AFDN: variants seen among roughly 807,000 people sequenced by gnomAD.
The protein encoded by AFDN is afadin, adherens junction formation factor.
In AFDN, 68 loss-of-function variants were observed where a neutral mutation model predicts 216.6. The observed-to-expected ratio is 0.31, with a 90% CI of 0.26 to 0.38. The LOEUF (loss-of-function observed/expected upper bound fraction) is 0.38, where lower values mean the gene tolerates loss of function less well. Among genes scored for constraint, AFDN ranks in the 10% least tolerant of loss-of-function variants. The pLI, the probability that AFDN is intolerant of heterozygous loss-of-function variation, is 1.00. For synonymous variants in AFDN, 868 were observed against 853.7 expected, an observed-to-expected ratio of 1.02 and a Z score of -0.29; for missense variants, 2,136 against 2,342.0, an observed-to-expected ratio of 0.91 and a Z score of 1.82.
chr6:167,964,324 A>T lies in AFDN; in HGVS notation c.4969-1433A>T, dbSNP rs565865488. The T allele has an allele frequency of 2.8e-6, 3 of 1,064,380 alleles. No individual in the cohort carries two copies. The African/African-American group carries it at 4.9e-5, about 17-fold the overall frequency. 65.9% of individuals were successfully genotyped at this position (1,064,380 alleles called of 1,614,324 possible). A position where few individuals can be genotyped will look rare whatever the true frequency, so the allele number is the denominator to read the frequency against. Reference sequence around the variant, plus strand: ...CTGCTCTTGGTATAACTAAAAGAGGATATTTTGATTTCTTCCTAAAATGTT... The same window carrying T: ...CTGCTCTTGGTATAACTAAAAGAGGTTATTTTGATTTCTTCCTAAAATGTT... On this transcript the variant is annotated intron_variant, in intron 31 of 33. Transcript: ENST00000683244.
At chr6:167,937,235 A>G (rs1794123270) in intron 23 of AFDN, among the ~76,000 whole-genome samples, 1 of 152,188 alleles carries the variant, frequency 6.6e-6, no homozygotes, top group Non-Finnish European at 1.5e-5. Flanking sequence ...CATTATCTAG[A>G]TCCGTATTCT....
chr6:167,948,939 G>A (rs1392407561), intron 29 of AFDN, among the ~76,000 whole-genome samples: 1 of 152,228 alleles, frequency 6.6e-6, no homozygotes. Context: ...CTGTATGCAC[G>A]GAAGGGCCTT....
chr6:167,873,463 G>A (rs1250208606), intron 4 of AFDN, among the ~76,000 whole-genome samples: 1 of 152,180 alleles, frequency 6.6e-6, no homozygotes, highest in Non-Finnish European at 1.5e-5. Flanking sequence ...CTTATAGATT[G>A]TTCATAGTGG....
rs371875129 is a variant in AFDN at position 167,962,587 on chromosome 6, A to G, written c.4968+20A>G. On this transcript the variant is annotated intron_variant, in intron 31 of 33. Coordinates refer to ENST00000683244, the MANE Select transcript of AFDN (RefSeq NM_001386888.1). The surrounding 1 kb of genome is among the most constrained non-coding windows in gnomAD (Gnocchi z 5.2). Reference sequence around the variant, plus strand: ...GAAAAGGTTATGGTCCTTTAAGGGCAGCTAGAATTTTACCAAGTTAGCCTG... The same window carrying G: ...GAAAAGGTTATGGTCCTTTAAGGGCGGCTAGAATTTTACCAAGTTAGCCTG... The G allele has an allele frequency of 1.7e-5, 27 of 1,613,768 alleles. No homozygotes were observed. Among genetic ancestry groups the G allele is most frequent in the Non-Finnish European group, 2.0e-5 (24 of 1,179,768 alleles).
chr6:167,914,555 A>G, intron 17 of AFDN, 89 bp from the exon 18 acceptor site: 1 of 1,006,480 alleles, frequency 9.9e-7, no homozygotes, highest in South Asian at 1.6e-5. Flanking sequence ...AATATTTTTT[A>G]AGAGTCCAGA....
chr6:167,828,515 A>G (rs879512153), intron 1 of AFDN, among the ~76,000 whole-genome samples: 2 of 152,298 alleles, frequency 1.3e-5, no homozygotes, highest in East Asian at 1.9e-4. Context: ...TTGAGCATAG[A>G]TGTTATGTTA....
rs553103846 is a variant in AFDN, at chr6:167,830,749, G to A, written c.105+3512G>A. Among the ~76,000 whole-genome samples, 301 of 152,090 alleles carry A rather than the reference G, an allele frequency of 2.0e-3. 1 individual carries two copies. Among genetic ancestry groups the A allele is most frequent in the African/African-American group, 7.1e-3 (293 of 41,480 alleles). ...TTACATTTTAATACTCTGATTAATC[G>A]AGAAGTAATGTGGTGATTCATGTTT... is the stretch of plus-strand genomic sequence containing the variant. On this transcript the variant is annotated intron_variant, in intron 1 of 33. Transcript: ENST00000683244.
At chr6:167,866,162 C>T (rs1455655317) in intron 2 of AFDN, among the ~76,000 whole-genome samples, 5 of 34,370 alleles carry the variant, frequency 1.5e-4, no homozygotes, top group African/African-American at 4.5e-4. Context: ...TGAATACTGT[C>T]GAGTGTGAAG....
chr6:167,918,661 C>A (rs1382813414), intron 20 of AFDN, 74 bp from the exon 21 acceptor site: 5 of 1,364,720 alleles, frequency 3.7e-6, no homozygotes, highest in African/African-American at 1.4e-5. Context: ...AGCAGACAGC[C>A]TTTGAATAGT....
At chr6:167,831,450 G>T (rs1401015066) in intron 1 of AFDN, among the ~76,000 whole-genome samples, 1 of 152,060 alleles carries the variant, frequency 6.6e-6, no homozygotes, top group Non-Finnish European at 1.5e-5. Flanking sequence ...GTTTGATTCG[G>T]TGTGTTCTTG....
intron 31 of AFDN, 55 bp from the exon 32 acceptor site, chr6:167,965,702 C>A: frequency 2.1e-6 from 3 of 1,456,260 alleles, no homozygotes; most frequent in South Asian, 2.9e-5. Context: ...CCCAGTGGGT[C>A]GGCTGTTCCC....
At position 167,951,193 on chromosome 6, in the gene AFDN, C is replaced by T. The variant is rs201070960; in HGVS notation, c.3839C>T (p.Thr1280Ile). The T allele has an allele frequency of 3.8e-5, 59 of 1,552,448 alleles. No homozygotes were observed. The African/African-American group carries it at 7.7e-4, about 20-fold the overall frequency. ...TTCTTTTTCTTTTTGCAGCGTGTTA[C>T]ACGTTCCCAAGAAGAACTTCGAGAA... ...NHSSIAIQRV[T>I]RSQEELREDK... The change falls in exon 30 of 34, where the codon ACA becomes ATA. Residue 1280 changes from threonine to isoleucine, a missense_variant. Thr to Ile is a moderately conservative substitution (Grantham distance 89). Coordinates refer to ENST00000683244, the MANE Select transcript of AFDN (RefSeq NM_001386888.1). This position sits in a 1 kb window ranked among gnomAD's most constrained non-coding sequence, Gnocchi z 7.1.
At chr6:167,913,364 C>G (rs1790650320) in intron 15 of AFDN, 39 bp from the exon 16 acceptor site, 3 of 1,533,654 alleles carry the variant, frequency 2.0e-6, no homozygotes, top group African/African-American at 2.7e-5. Flanking sequence ...GTTTCTTTCT[C>G]TCGTTCTGCT....
At chr6:167,929,636 A>G (rs965879482) in intron 23 of AFDN, among the ~76,000 whole-genome samples, 1 of 152,292 alleles carries the variant, frequency 6.6e-6, no homozygotes, top group South Asian at 2.1e-4. Context: ...TCTATTTGGC[A>G]TCCTTGTCTC....
chr6:167,968,799 G>A (rs1416334118), intron 32 of AFDN: 5 of 304,134 alleles, frequency 1.6e-5, no homozygotes, highest in Non-Finnish European at 3.2e-5. Context: ...TTGCCGATGG[G>A]TTGATGTTAC....
At position 167,951,846 on chromosome 6, in the gene AFDN, G is replaced by A. The variant is rs371470293; in HGVS notation, c.4492G>A (p.Glu1498Lys). Reference sequence around the variant, plus strand: ...GCCTCAGCAGCAGCCCCGCACGATCGAGCGCAGAGACTTGCAGTACATTAC... The same window carrying A: ...GCCTCAGCAGCAGCCCCGCACGATCAAGCGCAGAGACTTGCAGTACATTAC... ...LQPQQQPRTIERRDLQYITVS... is the reference protein window; with the variant it reads ...LQPQQQPRTIKRRDLQYITVS... The change falls in exon 30 of 34, where the codon GAG (glutamate) becomes AAG (lysine). Residue 1498 changes from glutamate (E) to lysine (K), a missense_variant. By Grantham distance (56) the Glu-to-Lys change is moderately conservative (BLOSUM62 1). Around this residue, in one of 8 missense-constraint regions of AFDN, gnomAD observed 981 missense variants for 966.0 expected, o/e 1.02. Transcript: ENST00000683244. The surrounding 1 kb of genome is among the most constrained non-coding windows in gnomAD (Gnocchi z 7.1). 32 of 1,613,984 alleles carry A rather than the reference G, an allele frequency of 2.0e-5. No homozygotes were observed. The highest frequency in any genetic ancestry group is 2.5e-5 in the Non-Finnish European group (29 of 1,180,020).
intron 23 of AFDN, among the ~76,000 whole-genome samples, chr6:167,937,016 A>G (rs1018470398): frequency 5.9e-5 from 9 of 152,168 alleles, no homozygotes; most frequent in African/African-American, 2.2e-4. Context: ...TATGACTGTG[A>G]GCTGCACCTG....
At chr6:167,840,603 T>A (rs1780956175) in intron 1 of AFDN, among the ~76,000 whole-genome samples, 1 of 152,190 alleles carries the variant, frequency 6.6e-6, no homozygotes, top group Non-Finnish European at 1.5e-5. Context: ...ACAGCTTTGT[T>A]GTTGTAAGCT....
At chr6:167,967,794 C>T (rs1290458868) in intron 32 of AFDN, among the ~76,000 whole-genome samples, 2 of 152,114 alleles carry the variant, frequency 1.3e-5, no homozygotes, top group Non-Finnish European at 2.9e-5. Context: ...GAGCGCATTC[C>T]GACCTTGTGT....
Sources: gnomAD v4.1 joint callset for allele counts (sites outside exome capture counted in the v4.1 genomes callset) on GRCh38, gnomAD v4.1.1 for gene constraint, gnomAD v4.1.1 regional missense constraint, Gnocchi (gnomAD v3.1) non-coding constraint, MANE v1.5 for transcripts, NCBI Gene and HGNC (gene_info 2026-07-23, HGNC 2026-07-21) for gene names.